DNAJC13: variants seen among roughly 807,000 people sequenced by gnomAD.
DNAJC13 encodes DnaJ heat shock protein family (Hsp40) member C13.
Under a neutral mutation model 290.5 loss-of-function variants are expected in DNAJC13, and 75 were observed. The ratio of observed to expected loss-of-function variants is 0.26; its 90% confidence interval spans 0.21 to 0.31. DNAJC13 has a LOEUF of 0.31. Ranked by LOEUF, DNAJC13 falls within the 10% of genes least tolerant of loss-of-function variation. The pLI is 1.00. For synonymous variants in DNAJC13, 862 were observed against 892.0 expected, an observed-to-expected ratio of 0.97 and a Z score of 0.60; for missense variants, 2,260 against 2,674.5, an observed-to-expected ratio of 0.85 and a Z score of 3.42.
chr3:132,536,624 C>T (rs145174020), intron 55 of DNAJC13, among the ~76,000 whole-genome samples: 1 of 152,296 alleles, frequency 6.6e-6, no homozygotes, highest in East Asian at 1.9e-4. Flanking sequence ...AGGGTTACAT[C>T]TTTGATGACA....
At chr3:132,480,562 C>T in intron 26 of DNAJC13, 92 bp downstream of exon 26, 3 of 932,404 alleles carry the variant, frequency 3.2e-6, no homozygotes, top group Non-Finnish European at 4.9e-6. Context: ...AAGATGTGGT[C>T]ACACACTTAT....
intron 54 of DNAJC13, among the ~76,000 whole-genome samples, chr3:132,529,530 G>A (rs577585552): frequency 3.3e-4 from 51 of 152,328 alleles, no homozygotes; most frequent in African/African-American, 1.1e-3. Flanking sequence ...GCTCACGCCT[G>A]TAATCCCAGC....
chr3:132,483,300 A>T (rs1934743916), intron 27 of DNAJC13, 75 bp from the exon 28 acceptor site: 9 of 1,226,140 alleles, frequency 7.3e-6, no homozygotes, highest in South Asian at 1.3e-5. Flanking sequence ...GTATGTATTT[A>T]CTATAAAGTA....
intron 45 of DNAJC13, 93 bp from the exon 46 acceptor site, chr3:132,514,478 C>A: frequency 1.3e-6 from 1 of 752,838 alleles, no homozygotes; most frequent in Non-Finnish European, 2.1e-6. Flanking sequence ...ATCCCCCAAA[C>A]ATTTGTCTCA....
chr3:132,516,888 A>G (rs1336629228), intron 48 of DNAJC13, 72 bp downstream of exon 48: 2 of 1,258,666 alleles, frequency 1.6e-6, no homozygotes, highest in African/African-American at 1.5e-5. Flanking sequence ...GATTTCAAGA[A>G]GTTTACTGAA....
chr3:132,513,461 A>T (rs1173485702), intron 45 of DNAJC13, among the ~76,000 whole-genome samples: 2 of 152,154 alleles, frequency 1.3e-5, no homozygotes, highest in Non-Finnish European at 2.9e-5. Flanking sequence ...GGAGAGACAT[A>T]CTGAGGCCAT....
At chr3:132,502,532 C>T in intron 40 of DNAJC13, 64 bp downstream of exon 40, 1 of 1,384,558 alleles carries the variant, frequency 7.2e-7, no homozygotes, top group East Asian at 2.4e-5. Flanking sequence ...TTAAACTAAT[C>T]CAAACCAAAG....
At chr3:132,502,253 CTG>C (rs1935439420) in intron 39 of DNAJC13, 34 bp from the exon 40 acceptor site, 2 of 1,353,476 alleles carry the variant, frequency 1.5e-6, no homozygotes, top group Non-Finnish European at 2.0e-6. Flanking sequence ...TTTTTTAACT[CTG>C]TAACAACTAA....
At chr3:132,487,581 C>CTTTTTTTTTTTTTTTTTTTTTTTTTT (rs1934922655) in intron 29 of DNAJC13, among the ~76,000 whole-genome samples, 1 of 46,838 alleles carries the variant, frequency 2.1e-5, no homozygotes, top group African/African-American at 2.8e-4. Context: ...TTTTTTTTTA[C>CTTTTTTTTTTTTTTTTTTTTTTTTTT]TGGGAGCATT....
At chr3:132,422,141 C>T (rs1474716559) in intron 1 of DNAJC13, among the ~76,000 whole-genome samples, 4 of 151,980 alleles carry the variant, frequency 2.6e-5, no homozygotes, top group Non-Finnish European at 5.9e-5. Context: ...AGCGATCCTC[C>T]CACCTTAGCC....
chr3:132,505,704 G>GT (rs1297293094), intron 42 of DNAJC13, among the ~76,000 whole-genome samples: 3 of 152,128 alleles, frequency 2.0e-5, no homozygotes, highest in African/African-American at 7.2e-5. Context: ...CTTTTCGCTA[G>GT]TAAGTGAAAG....
intron 2 of DNAJC13, among the ~76,000 whole-genome samples, chr3:132,445,536 C>T (rs1240172567): frequency 6.6e-6 from 1 of 151,912 alleles, no homozygotes; most frequent in Non-Finnish European, 1.5e-5. Context: ...TTACTTGGTC[C>T]TCAGGTTTCT....
intron 20 of DNAJC13, 182 bp downstream of exon 20, chr3:132,467,495 T>G (rs1424021016): frequency 1.8e-6 from 1 of 554,992 alleles, no homozygotes; most frequent in African/African-American, 2.0e-5. Flanking sequence ...AGACAGAGCC[T>G]TGCTCTGTTG....
At chr3:132,488,937 G>A (rs757870342) in intron 30 of DNAJC13, 39 bp from the exon 31 acceptor site, 12 of 1,501,432 alleles carry the variant, frequency 8.0e-6, no homozygotes, top group South Asian at 2.3e-5. Flanking sequence ...AAACTAAATC[G>A]GTTTCTATAT....
Position 132,488,777 on chromosome 3 carries a change from A to G in DNAJC13, c.3423-199A>G, listed in dbSNP as rs190587981. 2.4e-3 allele frequency among the ~76,000 whole-genome samples: 364 copies of G among 152,260 alleles called. 2 individuals are homozygous for G. The highest frequency in any genetic ancestry group is 1.7e-3 in the Non-Finnish European group (118 of 67,994). ...TTTTATATTGTCACATAGCTTTAAT[A>G]TGACTACACTTTAAAAATCTTTCTA... On this transcript the variant is annotated intron_variant, in intron 30 of 55. Transcript: ENST00000260818.
In DNAJC13 at chr3:132,523,725, TCAAAAGC is replaced by T; in HGVS notation, c.6060+13_6060+19del. ...AGAACAATCCTCATGTAAGCTTCAG[TCAAAAGC>T]AAAACATTTCAAAGACTTGGCTAAC... On this transcript the variant is annotated intron_variant, in intron 51 of 55. Transcript: ENST00000260818. 1 of 1,607,982 alleles carries T rather than the reference TCAAAAGC, an allele frequency of 6.2e-7. No individual in the cohort carries two copies. The highest frequency in any genetic ancestry group is 8.5e-7 in the Non-Finnish European group (1 of 1,177,686).
chr3:132,475,038 G>A lies in DNAJC13; in HGVS notation c.2398G>A (p.Glu800Lys), dbSNP rs1934423816. The change falls in exon 22 of 56, where the codon GAA (glutamate) becomes AAA (lysine). Residue 800 changes from glutamate (E) to lysine (K), a missense_variant. By Grantham distance (56) the Glu-to-Lys change is moderately conservative. Around this residue, in one of 3 missense-constraint regions of DNAJC13, gnomAD observed 762 missense variants for 964.1 expected, o/e 0.79. Transcript: ENST00000260818. ...SEMRAFNIDR[E>K]LGSANVISWN... ...AATGAGAGCATTTAATATTGACAGA[G>A]AACTTGGAAGTGCAAATGTGATCTC... The A allele has an allele frequency of 6.2e-7, 1 of 1,610,804 alleles. No individual in the cohort carries two copies. The highest frequency in any genetic ancestry group is 8.5e-7 in the Non-Finnish European group (1 of 1,178,534).
intron 26 of DNAJC13, among the ~76,000 whole-genome samples, chr3:132,481,796 C>T (rs1934683439): frequency 6.6e-6 from 1 of 152,136 alleles, no homozygotes; most frequent in Admixed American, 6.6e-5. Flanking sequence ...TATTGGAACT[C>T]TTAGTTGGAG....
chr3:132,466,032 G>C lies in DNAJC13; in HGVS notation c.1930G>C (p.Asp644His). The change falls in exon 18 of 56, where the codon GAT becomes CAT. Residue 644 changes from aspartate to histidine, a missense_variant. Asp to His is a moderately conservative substitution (Grantham distance 81, BLOSUM62 -1). Around this residue, in one of 3 missense-constraint regions of DNAJC13, gnomAD observed 762 missense variants for 964.1 expected, o/e 0.79. Coordinates refer to ENST00000260818, the MANE Select transcript of DNAJC13 (RefSeq NM_015268.4). ...ACATTTAGTGGGACTCTGGACAGCT[G>C]ATAATGCAACTGCAACAAACTTGTT... ...SRHLVGLWTA[D>H]NATATNLLKR... 2 of 1,613,982 alleles carry C rather than the reference G, an allele frequency of 1.2e-6. No individual in the cohort carries two copies. Among genetic ancestry groups the C allele is most frequent in the Non-Finnish European group, 1.7e-6 (2 of 1,179,924 alleles).
Sources: allele counts gnomAD v4.1 joint callset (sites outside exome capture counted in the v4.1 genomes callset), GRCh38; gene constraint gnomAD v4.1.1; regional missense constraint gnomAD v4.1.1; transcripts MANE v1.5; gene names NCBI Gene and HGNC (gene_info 2026-07-23, HGNC 2026-07-21).